Variants in SULT1A1 observed in about 807,000 individuals in gnomAD.
SULT1A1 encodes the protein sulfotransferase 1A1.
Under a neutral mutation model 36.8 loss-of-function variants are expected in SULT1A1, and 35 were observed. The observed-to-expected ratio is 0.95, with a 90% CI of 0.73 to 1.26. The LOEUF is 1.26. Among genes scored for constraint, SULT1A1 ranks in the 50% most tolerant of loss-of-function variants. The probability of loss-of-function intolerance (pLI) is 0.00; values close to 1 mark genes in which losing one functional copy is unlikely to be tolerated. For missense variants in SULT1A1, 309 were observed against 383.0 expected (o/e 0.81, Z 1.61); for synonymous variants, 119 against 146.0 (o/e 0.82, Z 1.33).
Position 28,623,314 on chromosome 16 carries a change from C to T in SULT1A1, c.-117G>A. 4 of 1,528,936 alleles carry T rather than the reference C, an allele frequency of 2.6e-6. No individual in the cohort carries two copies. In the South Asian group the frequency reaches 4.9e-5, roughly 19 times the overall value. The allele number at this position is 1,528,936 out of a possible 1,614,324, so 94.7% of individuals were successfully genotyped here. On this transcript the variant is annotated 5_prime_UTR_variant, in exon 1 of 6. Transcript: ENST00000350842. ...ACGCGCCGCGTCTGGCGCCAGTCGG[C>T]CTAGCGGCCCTGCAGCCGTTGCTGC...
intron 4 of SULT1A1, 70 bp downstream of exon 4, chr16:28,608,221 A>G: frequency 6.3e-7 from 1 of 1,588,106 alleles, no homozygotes; most frequent in Non-Finnish European, 8.6e-7. Flanking sequence ...TCCCAACCTC[A>G]GGTGATCTGC....
chr16:28,606,373 G>C, intron 6 of SULT1A1, 137 bp from the exon 7 acceptor site: 1 of 1,480,728 alleles, frequency 6.8e-7, no homozygotes, highest in Non-Finnish European at 9.2e-7. Context: ...TCAACCCCCA[G>C]GGCCCCAGTC....
chr16:28,609,022 CGGGCTCTAATGCGGTG>C (rs2047343778), intron 1 of SULT1A1, 163 bp from the exon 2 acceptor site: 7 of 1,525,936 alleles, frequency 4.6e-6, no homozygotes, highest in East Asian at 4.7e-5. Flanking sequence ...AAAACCAGGT[CGGGCTCTAATGCGGTG>C]GTTCCCCAGC....
In SULT1A1 at chr16:28,606,217, T is replaced by G. The variant is rs1328632366; in HGVS notation, c.614A>C (p.Gln205Pro). 3.1e-6 allele frequency: 5 copies of G among 1,610,014 alleles called. No homozygotes were observed. In the South Asian group the frequency reaches 5.5e-5, roughly 18 times the overall value. ...DMKENPKREIQKILEFVGRSL... is the reference protein window; with the variant it reads ...DMKENPKREIPKILEFVGRSL... ...GCGCCCCACAAACTCCAGGATCTTT[T>G]GAATCTCCCTTTTCGGGTTCTGAGC... is the stretch of plus-strand genomic sequence containing the variant. The change falls in exon 7 of 8, where the codon CAA becomes CCA. Residue 205 changes from glutamine (Q) to proline (P), a missense_variant. Physicochemically the swap from Gln to Pro is moderately conservative, Grantham distance 76 (BLOSUM62 -1). This residue lies in a region of SULT1A1 where 219 missense variants were observed against 215.3 expected (regional missense o/e 1.02). Transcript: ENST00000314752.
In SULT1A1 at chr16:28,608,250, G is replaced by A. The variant is rs755273882; in HGVS notation, c.372+41C>T. 1.9e-4 allele frequency: 300 copies of A among 1,608,390 alleles called. 9 individuals are homozygous for A. The highest frequency in any genetic ancestry group is 1.3e-3 in the Middle Eastern group (8 of 5,966). ...GATCTGCCTGCCTCAGCCTCCCAAA[G>A]TGCTGGGATTATGGATGTGAAACAC... On this transcript the variant is annotated intron_variant, in intron 4 of 7. Transcript: ENST00000314752.
intron 2 of SULT1A1, among the ~76,000 whole-genome samples, chr16:28,617,112 C>T (rs2047561943): frequency 6.6e-6 from 1 of 151,880 alleles, no homozygotes; most frequent in Non-Finnish European, 1.5e-5. Context: ...ACCTCCTGGG[C>T]TCAGGAGATC....
chr16:28,620,010 T>TGTGTGC, intron 2 of SULT1A1: 1 of 1,457,794 alleles, frequency 6.9e-7, no homozygotes. Flanking sequence ...TGTGTGTGTG[T>TGTGTGC]GTATATACAC....
intron 2 of SULT1A1, chr16:28,620,037 A>C: frequency 6.2e-7 from 1 of 1,602,784 alleles, no homozygotes; most frequent in Non-Finnish European, 8.5e-7. Context: ...AAAGATACTG[A>C]TAACATTTTC....
Position 28,606,038 on chromosome 16 carries a change from G to A in SULT1A1, c.775+18C>T, listed in dbSNP as rs374765552. ...CTGCTCCCACCCGCCCCAAACCCCC[G>A]TGCTGGCCAGCACCCACCTTTCCTC... On this transcript the variant is annotated intron_variant, in intron 7 of 7. Coordinates refer to ENST00000314752, the MANE Select transcript of SULT1A1 (RefSeq NM_001055.4). The A allele has an allele frequency of 2.0e-5, 26 of 1,271,774 alleles. No individual in the cohort carries two copies. Among genetic ancestry groups the A allele is most frequent in the East Asian group, 3.0e-5 (1 of 33,848 alleles). The allele number at this position is 1,271,774 out of a possible 1,614,324, so 78.8% of individuals were successfully genotyped here.
In SULT1A1 at chr16:28,606,757, T is replaced by C. The variant is rs748548173; in HGVS notation, c.594+4A>G. The C allele has an allele frequency of 6.8e-6, 11 of 1,612,076 alleles. No individual in the cohort carries two copies. In the East Asian group the frequency reaches 2.5e-4, roughly 36 times the overall value. The stretch of plus-strand genomic sequence containing the variant: ...ATGGAGGGAAGCATCGCACGTGGTC[T>C]CACCTCCTTCATGTCTTCATAGAAG... On this transcript the variant is annotated splice_donor_region_variant and intron_variant, in intron 6 of 7. Coordinates refer to ENST00000314752, the MANE Select transcript of SULT1A1 (RefSeq NM_001055.4).
rs372365874 is a variant in SULT1A1 at position 28,609,903 on chromosome 16, C to T, written c.-5+28G>A. Reference sequence around the variant, plus strand: ...CCACAAGCTGAGCAGGGTGAGGGCGCCCTGGGCCGTTCCACTGTGTCACTC... The same window carrying T: ...CCACAAGCTGAGCAGGGTGAGGGCGTCCTGGGCCGTTCCACTGTGTCACTC... On this transcript the variant is annotated intron_variant, in intron 1 of 7. Transcript: ENST00000314752. The T allele has an allele frequency of 4.9e-4, 630 of 1,277,070 alleles. 21 individuals are homozygous for T. The South Asian group carries it at 6.2e-3, about 13-fold the overall frequency. 79.1% of individuals were successfully genotyped at this position (1,277,070 alleles called of 1,614,324 possible). A position where few individuals can be genotyped will look rare whatever the true frequency, so the allele number is the denominator to read the frequency against.
chr16:28,615,500 G>A (rs2047519145), intron 2 of SULT1A1, among the ~76,000 whole-genome samples: 1 of 146,682 alleles, frequency 6.8e-6, no homozygotes, highest in East Asian at 2.0e-4. Context: ...GTGAGCTTGC[G>A]CCGGATCATC....
In SULT1A1 at chr16:28,608,156, T is replaced by A. The variant is rs1242657083; in HGVS notation, c.372+135A>T. 1.0e-5 allele frequency: 13 copies of A among 1,293,250 alleles called. No individual in the cohort carries two copies. In the East Asian group the frequency reaches 3.1e-4, roughly 31 times the overall value. The allele number at this position is 1,293,250 out of a possible 1,614,324, so 80.1% of individuals were successfully genotyped here. On this transcript the variant is annotated intron_variant, in intron 4 of 7. Transcript: ENST00000314752. Reference sequence around the variant, plus strand: ...GCACCCGCCACCACACCCGGCTAATTTTGTATTTTTAGTAGAGACAAGGTT... The same window carrying A: ...GCACCCGCCACCACACCCGGCTAATATTGTATTTTTAGTAGAGACAAGGTT...
At chr16:28,608,632 C>A (rs773491654) in intron 2 of SULT1A1, 29 bp from the exon 3 acceptor site, 1 of 1,611,486 alleles carries the variant, frequency 6.2e-7, no homozygotes, top group Non-Finnish European at 8.5e-7. Context: ...GGGAGGTGAG[C>A]AGGCTGAGGG....
rs1377968473 is a variant in SULT1A1 at position 28,605,639 on chromosome 16, ACTATGTTGCC to A, written c.*172_*181del. ...TATTTTATTTTTTTAACAGAATCTC[ACTATGTTGCC>A]CAGGTTGGTCTCGAACTCCTGGGCT... On this transcript the variant is annotated 3_prime_UTR_variant, in exon 8 of 8. Transcript: ENST00000314752. 3.2e-6 allele frequency: 3 copies of A among 947,592 alleles called. No homozygotes were observed. In the African/African-American group the frequency reaches 4.8e-5, roughly 15 times the overall value. 58.7% of individuals were successfully genotyped at this position (947,592 alleles called of 1,614,324 possible). A position where few individuals can be genotyped will look rare whatever the true frequency, so the allele number is the denominator to read the frequency against.
At chr16:28,619,764 A>ATCCATAT (rs1555485371) in intron 2 of SULT1A1, among the ~76,000 whole-genome samples, 1 of 95,690 alleles carries the variant, frequency 1.0e-5, no homozygotes, top group African/African-American at 3.4e-5. Context: ...ATATATATAT[A>ATCCATAT]GACACACACA....
Position 28,609,754 on chromosome 16 carries a change from C to T in SULT1A1, c.-5+177G>A, listed in dbSNP as rs1367533969. 1.0e-4 allele frequency: 82 copies of T among 782,340 alleles called. 1 individual carries two copies. The highest frequency in any genetic ancestry group is 6.2e-4 in the South Asian group (35 of 56,102). 48.5% of individuals were successfully genotyped at this position (782,340 alleles called of 1,614,324 possible). The stretch of plus-strand genomic sequence containing the variant: ...GGGTGACAGCAAGACCTGGCCTCCC[C>T]GGGGAAAAAAACAAACAAACAAGGG... On this transcript the variant is annotated intron_variant, in intron 1 of 7. Coordinates refer to ENST00000314752, the MANE Select transcript of SULT1A1 (RefSeq NM_001055.4).
chr16:28,609,330 C>T (rs765094338), intron 1 of SULT1A1: 43 of 1,285,674 alleles, frequency 3.3e-5, no homozygotes, highest in Middle Eastern at 2.2e-4. Context: ...ATGTGGAAAC[C>T]GCCCAGGCCA....
upstream of SULT1A1, chr16:28,612,033 C>CA (rs2047470627): frequency 2.0e-4 from 1 of 4,952 alleles, no homozygotes; most frequent in African/African-American, 6.1e-4. Context: ...CAAAACAAAA[C>CA]AAAAAAAAGC....
Sources: allele counts gnomAD v4.1 joint callset (sites outside exome capture counted in the v4.1 genomes callset), GRCh38; gene constraint gnomAD v4.1.1; regional missense constraint gnomAD v4.1.1; transcripts MANE v1.5; gene names NCBI Gene and HGNC (gene_info 2026-07-23, HGNC 2026-07-21).